Variants in NAALADL2 observed in about 807,000 individuals in gnomAD.
NAALADL2 encodes N-acetylated alpha-linked acidic dipeptidase like 2, also known as inactive N-acetylated-alpha-linked acidic dipeptidase-like protein 2.
NAALADL2 carries 76 observed loss-of-function variants against 87.2 expected under a neutral mutation model. The ratio of observed to expected loss-of-function variants is 0.87; its 90% CI spans 0.72 to 1.05. The LOEUF is 1.05. NAALADL2 is among the 50% of genes least tolerant of loss of function. The probability of loss-of-function intolerance (pLI) is 0.00; values close to 1 mark genes in which losing one functional copy is unlikely to be tolerated. For missense variants in NAALADL2, 1,089 were observed against 945.8 expected, an observed-to-expected ratio of 1.15 and a Z score of -1.99; for synonymous variants, 354 against 331.0, an observed-to-expected ratio of 1.07 and a Z score of -0.75.
intron 2 of NAALADL2, among the ~76,000 whole-genome samples, chr3:175,128,956 TGA>T (rs1479099964): frequency 1.3e-5 from 2 of 152,078 alleles, no homozygotes; most frequent in Admixed American, 1.3e-4. Context: ...TGTTTGTTTT[TGA>T]GAGAGAGTCC....
intron 2 of NAALADL2, among the ~76,000 whole-genome samples, chr3:174,705,647 G>A (rs1391525146): frequency 6.6e-6 from 1 of 152,000 alleles, no homozygotes; most frequent in Non-Finnish European, 1.5e-5. Flanking sequence ...GCCGGGCGTG[G>A]TGGTGGGCGC....
chr3:175,453,861 T>C (rs1721931337), intron 6 of NAALADL2, among the ~76,000 whole-genome samples: 1 of 152,122 alleles, frequency 6.6e-6, no homozygotes, highest in Admixed American at 6.6e-5. Context: ...CCATTTTCCC[T>C]TGTAGTTAGT....
chr3:175,573,828 TG>T (rs1161787660), intron 9 of NAALADL2, among the ~76,000 whole-genome samples: 1 of 151,882 alleles, frequency 6.6e-6, no homozygotes, highest in Non-Finnish European at 1.5e-5. Flanking sequence ...TGGTGGGGGG[TG>T]GGGGTCACCA....
At chr3:175,446,151 G>C (rs934627229) in intron 5 of NAALADL2, among the ~76,000 whole-genome samples, 42 of 150,152 alleles carry the variant, frequency 2.8e-4, no homozygotes, top group African/African-American at 1.0e-3. Flanking sequence ...TATTTGCTAA[G>C]AGTGAACCTT....
chr3:175,718,120 C>T (rs373288124), intron 11 of NAALADL2: 198 of 921,666 alleles, frequency 2.1e-4, no homozygotes, highest in African/African-American at 1.8e-3. Flanking sequence ...GTCTACAAGA[C>T]GTATCTAGAA....
intron 2 of NAALADL2, among the ~76,000 whole-genome samples, chr3:174,612,734 C>T (rs1028315332): frequency 6.6e-5 from 10 of 152,076 alleles, no homozygotes; most frequent in African/African-American, 2.2e-4. Flanking sequence ...TTCAAAACAG[C>T]AATTTTGAAT....
chr3:174,876,180 T>G (rs1728486503), intron 1 of NAALADL2, among the ~76,000 whole-genome samples: 1 of 152,096 alleles, frequency 6.6e-6, no homozygotes, highest in Non-Finnish European at 1.5e-5. Context: ...ATAAAAATCT[T>G]CTCTCTTTGT....
rs1459642532 is a variant in NAALADL2 at position 175,669,520 on chromosome 3, C to A, written c.1896+42134C>A. The stretch of plus-strand genomic sequence containing the variant: ...AGATTATATCCCCAAAATTCTTATA[C>A]CTGGTATATAAAATATTCAGTAAAT... On this transcript the variant is annotated intron_variant, in intron 11 of 13. Transcript: ENST00000454872. Among the ~76,000 whole-genome samples, 3 of 151,916 alleles carry A rather than the reference C, an allele frequency of 2.0e-5. No homozygotes were observed. The East Asian group carries it at 5.8e-4, about 29-fold the overall frequency.
chr3:174,715,552 C>T (rs1731102343), intron 2 of NAALADL2, among the ~76,000 whole-genome samples: 1 of 152,094 alleles, frequency 6.6e-6, no homozygotes, highest in South Asian at 2.1e-4. Context: ...AATGGGTTTC[C>T]TCTTTTCAGT....
intron 2 of NAALADL2, among the ~76,000 whole-genome samples, chr3:174,603,560 A>G (rs577975226): frequency 2.6e-5 from 4 of 151,498 alleles, no homozygotes; most frequent in Admixed American, 2.6e-4. Context: ...ACCAACTTTT[A>G]ATTTCATTTA....
At chr3:174,519,909 G>A (rs950796257) in intron 1 of NAALADL2, among the ~76,000 whole-genome samples, 1 of 152,028 alleles carries the variant, frequency 6.6e-6, no homozygotes, top group African/African-American at 2.4e-5. Context: ...AAAGTTGAAA[G>A]CATTTAACAT....
chr3:175,051,914 A>T (rs1237296707), intron 1 of NAALADL2, among the ~76,000 whole-genome samples: 1 of 152,238 alleles, frequency 6.6e-6, no homozygotes, highest in Non-Finnish European at 1.5e-5. Context: ...TGCCGAGACC[A>T]GCTCGGCTGG....
rs190616580 is a variant in NAALADL2, at chr3:174,513,384, T to G, written c.-183-37185T>G. 5 of 152,294 alleles carry G rather than the reference T, an allele frequency of 3.3e-5. No homozygotes were observed. The East Asian group carries it at 9.6e-4, about 29-fold the overall frequency. The allele number at this position is 152,294 out of a possible 1,614,324, so 9.4% of individuals were successfully genotyped here. The stretch of plus-strand genomic sequence containing the variant: ...TATTTTTTCACCAGTACATACCAAT[T>G]TAATTATCTTATCTATTTTTAATGA... On this transcript the variant is annotated intron_variant, in intron 1 of 3. Transcript: ENST00000434257.
chr3:174,750,302 C>T (rs1734695824), intron 3 of NAALADL2, among the ~76,000 whole-genome samples: 1 of 152,156 alleles, frequency 6.6e-6, no homozygotes, highest in African/African-American at 2.4e-5. Context: ...AGGAAAATTA[C>T]CTTGAATTAG....
chr3:174,968,706 C>T (rs1014158542), intron 1 of NAALADL2, among the ~76,000 whole-genome samples: 4 of 152,130 alleles, frequency 2.6e-5, no homozygotes, highest in African/African-American at 7.2e-5. Flanking sequence ...TCTTGAACTC[C>T]TGACCTCGTG....
intron 7 of NAALADL2, 91 bp from the exon 8 acceptor site, chr3:175,466,888 T>C (rs1187826526): frequency 4.6e-6 from 5 of 1,096,352 alleles, no homozygotes; most frequent in Non-Finnish European, 6.8e-6. Flanking sequence ...TAATTATTGC[T>C]CAGTTGTGCA....
intron 2 of NAALADL2, among the ~76,000 whole-genome samples, chr3:174,629,811 T>C (rs1721935427): frequency 6.6e-6 from 1 of 152,196 alleles, no homozygotes; most frequent in African/African-American, 2.4e-5. Context: ...GTGAGTCCTG[T>C]GCACACAAAG....
chr3:174,709,768 T>G (rs1730444897), intron 2 of NAALADL2, among the ~76,000 whole-genome samples: 1 of 152,182 alleles, frequency 6.6e-6, no homozygotes, highest in Admixed American at 6.5e-5. Flanking sequence ...TCCTGGAACT[T>G]TTCAGTAGCC....
chr3:175,607,912 C>T (rs994269054), intron 10 of NAALADL2, among the ~76,000 whole-genome samples: 4 of 29,646 alleles, frequency 1.3e-4, no homozygotes, highest in African/African-American at 3.6e-4. Flanking sequence ...CACACACACA[C>T]GCACACACAC....
Sources: gnomAD v4.1 joint callset for allele counts (sites outside exome capture counted in the v4.1 genomes callset) on GRCh38, gnomAD v4.1.1 for gene constraint, MANE v1.5 for transcripts, NCBI Gene and HGNC (gene_info 2026-07-23, HGNC 2026-07-21) for gene names.